The following OTUD7A variants were observed in gnomAD, a reference collection of about 807,000 sequenced individuals.
OTUD7A encodes the protein OTU deubiquitinase 7A.
A neutral mutation model predicts 65.7 loss-of-function variants in OTUD7A; 12 were observed. The observed-to-expected ratio is 0.18, with a 90% confidence interval of 0.12 to 0.30. The LOEUF (loss-of-function observed/expected upper bound fraction) is 0.30. OTUD7A is among the 10% of genes least tolerant of loss of function. The probability of loss-of-function intolerance (pLI) is 1.00; values close to 1 mark genes in which losing one functional copy is unlikely to be tolerated. For synonymous variants in OTUD7A, 641 were observed against 586.3 expected, an observed-to-expected ratio of 1.09 and a Z score of -1.35; for missense variants, 1,148 against 1,304.8, an observed-to-expected ratio of 0.88 and a Z score of 1.85.
At chr15:31,545,346 C>T (rs1566912626) in intron 5 of OTUD7A, among the ~76,000 whole-genome samples, 2 of 151,892 alleles carry the variant, frequency 1.3e-5, no homozygotes, top group Non-Finnish European at 2.9e-5. Context: ...ATTTTCAGGA[C>T]CTTGGGGTAG....
chr15:31,615,753 C>T (rs747397972), intron 3 of OTUD7A, among the ~76,000 whole-genome samples: 4 of 152,248 alleles, frequency 2.6e-5, no homozygotes, highest in Non-Finnish European at 4.4e-5. Flanking sequence ...CTCTGACCAA[C>T]TGGAAGAGGA....
chr15:31,764,893 T>C (rs1895059227), intron 1 of OTUD7A, among the ~76,000 whole-genome samples: 4 of 152,320 alleles, frequency 2.6e-5, no homozygotes, highest in South Asian at 4.1e-4. Context: ...TGATTCTATA[T>C]GCCCTGATTT....
At chr15:31,713,514 G>A (rs1350653411) in intron 1 of OTUD7A, among the ~76,000 whole-genome samples, 4 of 152,112 alleles carry the variant, frequency 2.6e-5, no homozygotes, top group Non-Finnish European at 4.4e-5. Context: ...AGCTACTCGG[G>A]AGGCTGAGGC....
At chr15:31,806,833 C>T (rs1326451664) in intron 1 of OTUD7A, among the ~76,000 whole-genome samples, 1 of 152,238 alleles carries the variant, frequency 6.6e-6, no homozygotes, top group Non-Finnish European at 1.5e-5. Context: ...GGTATTCTGC[C>T]GTCCGTGCTC....
At chr15:31,778,592 T>C (rs1469887440) in intron 1 of OTUD7A, among the ~76,000 whole-genome samples, 1 of 152,222 alleles carries the variant, frequency 6.6e-6, no homozygotes, top group Non-Finnish European at 1.5e-5. Context: ...ATGCTGCAGG[T>C]GCTGGTCTGC....
intron 3 of OTUD7A, among the ~76,000 whole-genome samples, chr15:31,602,720 T>C (rs1890116849): frequency 6.6e-6 from 1 of 152,158 alleles, no homozygotes. Flanking sequence ...ATTTCAGCCC[T>C]AAATCTCCTT....
chr15:31,751,574 A>G (rs1894636091), intron 1 of OTUD7A, among the ~76,000 whole-genome samples: 1 of 152,200 alleles, frequency 6.6e-6, no homozygotes, highest in African/African-American at 2.4e-5. Context: ...TATCTACCCA[A>G]AAGAAAATAA....
rs542817213 is a variant in OTUD7A at position 31,489,507 on chromosome 15, A to G, written c.1172-1941T>C. 1.1e-4 allele frequency among the ~76,000 whole-genome samples: 16 copies of G among 152,210 alleles called. No individual in the cohort carries two copies. In the South Asian group the frequency reaches 3.3e-3, roughly 32 times the overall value. On this transcript the variant is annotated intron_variant, in intron 10 of 12. Coordinates refer to ENST00000307050, the MANE Select transcript of OTUD7A (RefSeq NM_001382637.1). ...ATGTCTTAGCCACCCCGGCCCCAGG[A>G]TTTAGGGGGAACAGGCACCTAGTGG...
At chr15:31,774,449 G>C (rs561757641) in intron 1 of OTUD7A, among the ~76,000 whole-genome samples, 1 of 152,360 alleles carries the variant, frequency 6.6e-6, no homozygotes, top group South Asian at 2.1e-4. Flanking sequence ...GAGAAAAAGA[G>C]AACTTTGAAA....
chr15:31,777,806 C>T (rs1221660409), intron 1 of OTUD7A, among the ~76,000 whole-genome samples: 1 of 152,184 alleles, frequency 6.6e-6, no homozygotes, highest in African/African-American at 2.4e-5. Context: ...ACTCTGAAAG[C>T]TGTGTGCAAA....
chr15:31,829,149 G>A lies in OTUD7A; in HGVS notation c.-100+41358C>T, dbSNP rs548245772. On this transcript the variant is annotated intron_variant, in intron 1 of 12. Transcript: ENST00000307050. ...GCAAAGCAAACTATGGGGCAGTAGC[G>A]GAAGCGCCCACAGGTCAAGACTAGA... Among the ~76,000 whole-genome samples the A allele has an allele frequency of 2.9e-4, 44 of 152,300 alleles. 1 individual carries two copies. The highest frequency in any genetic ancestry group is 1.0e-3 in the South Asian group (5 of 4,818).
At chr15:31,541,515 A>G (rs1887987146) in intron 5 of OTUD7A, among the ~76,000 whole-genome samples, 1 of 152,230 alleles carries the variant, frequency 6.6e-6, no homozygotes, top group Non-Finnish European at 1.5e-5. Flanking sequence ...GTTTGAAAAG[A>G]GAAATCCCTC....
intron 1 of OTUD7A, among the ~76,000 whole-genome samples, chr15:31,815,751 C>T (rs1188452660): frequency 6.6e-6 from 1 of 152,236 alleles, no homozygotes; most frequent in East Asian, 1.9e-4. Context: ...CATTGGAATC[C>T]CACGGGGGTT....
chr15:31,834,391 GGTTTTGTTTT>G (rs767243197), intron 1 of OTUD7A, among the ~76,000 whole-genome samples: 1 of 152,050 alleles, frequency 6.6e-6, no homozygotes, highest in Non-Finnish European at 1.5e-5. Context: ...GCTGGTATAT[GGTTTTGTTTT>G]GTTTTGTTTT....
intron 1 of OTUD7A, among the ~76,000 whole-genome samples, chr15:31,853,924 G>A (rs749679140): frequency 1.3e-5 from 2 of 152,196 alleles, no homozygotes; most frequent in Non-Finnish European, 2.9e-5. Context: ...AAGGAGAAGA[G>A]CAAATGCAGA....
intron 1 of OTUD7A, among the ~76,000 whole-genome samples, chr15:31,853,085 A>G (rs1449931922): frequency 6.6e-6 from 1 of 152,216 alleles, no homozygotes; most frequent in Admixed American, 6.5e-5. Flanking sequence ...AATCTCTAAT[A>G]CAATAGCTTG....
chr15:31,534,095 CT>C (rs1328988775), intron 5 of OTUD7A, among the ~76,000 whole-genome samples: 1 of 152,102 alleles, frequency 6.6e-6, no homozygotes, highest in East Asian at 1.9e-4. Flanking sequence ...CAACATTACC[CT>C]GATACCAAAA....
Position 31,505,544 on chromosome 15 carries a change from A to G in OTUD7A, c.894-1726T>C, listed in dbSNP as rs558186540. Among the ~76,000 whole-genome samples the G allele has an allele frequency of 3.9e-5, 6 of 152,072 alleles. No homozygotes were observed. In the East Asian group the frequency reaches 1.2e-3, roughly 29 times the overall value. On this transcript the variant is annotated intron_variant, in intron 8 of 12. Coordinates refer to ENST00000307050, the MANE Select transcript of OTUD7A (RefSeq NM_001382637.1). ...AGAAAACTCTATTTTACTTTTTACA[A>G]TTCTCCCTCTTATAATTTTTTTTTA...
At chr15:31,592,631 A>G (rs1005537243) in intron 3 of OTUD7A, among the ~76,000 whole-genome samples, 1 of 151,904 alleles carries the variant, frequency 6.6e-6, no homozygotes, top group African/African-American at 2.4e-5. Context: ...CTGTAATCCC[A>G]GCATTTTGGG....
Sources: gnomAD v4.1 joint callset for allele counts (sites outside exome capture counted in the v4.1 genomes callset) on GRCh38, gnomAD v4.1.1 for gene constraint, MANE v1.5 for transcripts, NCBI Gene and HGNC (gene_info 2026-07-23, HGNC 2026-07-21) for gene names.